Variants in KCNT2 observed in about 807,000 individuals in gnomAD.
KCNT2 encodes the protein potassium channel subfamily T member 2.
A neutral mutation model predicts 153.8 loss-of-function variants in KCNT2; 67 were observed. The ratio of observed to expected loss-of-function variants is 0.44; its 90% CI spans 0.36 to 0.53. The LOEUF is 0.53. KCNT2 is among the 20% of genes least tolerant of loss of function. The pLI is 0.00. For missense variants in KCNT2, 975 were observed against 1,354.8 expected (o/e 0.72, Z 4.40); for synonymous variants, 500 against 458.8 (o/e 1.09, Z -1.15).
intron 8 of KCNT2, among the ~76,000 whole-genome samples, chr1:196,449,826 A>T (rs570556761): frequency 6.6e-6 from 1 of 151,868 alleles, no homozygotes; most frequent in East Asian, 2.0e-4. Context: ...AAAAGAATAA[A>T]AAATGAAGAA....
At chr1:196,476,553 G>C (rs1004680013) in intron 5 of KCNT2, among the ~76,000 whole-genome samples, 2 of 151,898 alleles carry the variant, frequency 1.3e-5, no homozygotes, top group African/African-American at 4.8e-5. Context: ...AGGTAATTTA[G>C]GGATGTGTGG....
chr1:196,558,606 C>T (rs1419735052), intron 1 of KCNT2, among the ~76,000 whole-genome samples: 1 of 151,346 alleles, frequency 6.6e-6, no homozygotes, highest in Non-Finnish European at 1.5e-5. Flanking sequence ...AAACAAAAAG[C>T]AAATAGGCTG....
chr1:196,413,387 T>C (rs1160108072), intron 12 of KCNT2, among the ~76,000 whole-genome samples: 1 of 151,736 alleles, frequency 6.6e-6, no homozygotes, highest in Non-Finnish European at 1.5e-5. Flanking sequence ...ACTTATTAAA[T>C]GTCAAATGTT....
intron 25 of KCNT2, among the ~76,000 whole-genome samples, chr1:196,266,397 A>T (rs866838316): frequency 1.5e-4 from 23 of 152,332 alleles, no homozygotes; most frequent in Non-Finnish European, 2.5e-4. Context: ...CAGGGCAAAT[A>T]AATATACCTT....
At chr1:196,383,999 C>T (rs181768975) in intron 13 of KCNT2, among the ~76,000 whole-genome samples, 54 of 152,244 alleles carry the variant, frequency 3.5e-4, no homozygotes, top group African/African-American at 1.1e-3. Flanking sequence ...ATATTTTATA[C>T]TTGAAATGTG....
At chr1:196,373,030 G>C in intron 14 of KCNT2, 110 bp downstream of exon 14, 1 of 591,432 alleles carries the variant, frequency 1.7e-6, no homozygotes, top group Non-Finnish European at 3.0e-6. Context: ...TTCAAGTATA[G>C]GTACATATCT....
chr1:196,334,884 G>T (rs939870814), intron 16 of KCNT2, among the ~76,000 whole-genome samples: 1 of 152,040 alleles, frequency 6.6e-6, no homozygotes, highest in African/African-American at 2.4e-5. Flanking sequence ...TAGGACATTC[G>T]ATTTTTGACC....
intron 8 of KCNT2, among the ~76,000 whole-genome samples, chr1:196,463,694 T>C (rs570683908): frequency 6.6e-6 from 1 of 151,890 alleles, no homozygotes; most frequent in Middle Eastern, 3.4e-3. Context: ...ATACATTATA[T>C]AGTGGAAATT....
intron 1 of KCNT2, among the ~76,000 whole-genome samples, chr1:196,498,235 T>A (rs1267319778): frequency 6.6e-6 from 1 of 152,198 alleles, no homozygotes; most frequent in Non-Finnish European, 1.5e-5. Context: ...GGAAAAATAA[T>A]TCTGATCCAG....
chr1:196,255,063 G>A (rs631216), intron 26 of KCNT2, among the ~76,000 whole-genome samples: 149,089 of 151,632 alleles, frequency 0.98, 73,347 homozygotes, highest in Middle Eastern at 1. Context: ...TATACTACTA[G>A]AAATACCATT....
At chr1:196,573,820 A>G (rs896578502) in intron 1 of KCNT2, among the ~76,000 whole-genome samples, 2 of 151,834 alleles carry the variant, frequency 1.3e-5, no homozygotes, top group African/African-American at 4.8e-5. Flanking sequence ...CATGGCAGTT[A>G]TTTTATGTTT....
intron 26 of KCNT2, among the ~76,000 whole-genome samples, chr1:196,253,893 T>G (rs1363620636): frequency 1.3e-5 from 2 of 151,618 alleles, no homozygotes; most frequent in African/African-American, 4.8e-5. Flanking sequence ...TCTTTTTTCC[T>G]ACACATGTGC....
At chr1:196,318,913 G>C (rs1663006724) in intron 20 of KCNT2, among the ~76,000 whole-genome samples, 1 of 151,538 alleles carries the variant, frequency 6.6e-6, no homozygotes, top group South Asian at 2.1e-4. Flanking sequence ...TTAGCGTTTT[G>C]ATCTTTTATT....
At position 196,282,360 on chromosome 1, in the gene KCNT2, C is replaced by A; in HGVS notation, c.2698-4G>T. 6.9e-7 allele frequency: 1 copy of A among 1,443,644 alleles called. No individual in the cohort carries two copies. The highest frequency in any genetic ancestry group is 9.7e-7 in the Non-Finnish European group (1 of 1,027,652). The allele number at this position is 1,443,644 out of a possible 1,614,324, so 89.4% of individuals were successfully genotyped here. ...TCATATAATCCTTCACAAATGACTG[C>A]AATATAAACAAACAAACAATATATA... On this transcript the variant is annotated splice_polypyrimidine_tract_variant and splice_region_variant and intron_variant, in intron 23 of 27. Transcript: ENST00000294725.
intron 17 of KCNT2, among the ~76,000 whole-genome samples, chr1:196,332,911 A>C: frequency 6.6e-6 from 1 of 151,444 alleles, no homozygotes; most frequent in East Asian, 1.9e-4. Context: ...CAGCCTTCCA[A>C]GTAGGTAGGA....
intron 20 of KCNT2, among the ~76,000 whole-genome samples, chr1:196,317,648 AAG>A (rs1662858055): frequency 6.6e-6 from 1 of 151,716 alleles, no homozygotes; most frequent in Non-Finnish European, 1.5e-5. Flanking sequence ...AGTCGAGGAT[AAG>A]AGTGACTGGA....
chr1:196,565,256 C>T (rs1659963916), intron 1 of KCNT2, among the ~76,000 whole-genome samples: 1 of 151,600 alleles, frequency 6.6e-6, no homozygotes, highest in African/African-American at 2.4e-5. Flanking sequence ...TCACCTCATG[C>T]AGATTAGAAT....
chr1:196,429,768 A>G lies in KCNT2; in HGVS notation c.639-11T>C. On this transcript the variant is annotated splice_polypyrimidine_tract_variant and intron_variant, in intron 8 of 27. Transcript: ENST00000294725. The stretch of plus-strand genomic sequence containing the variant: ...TGGATCCCACAAATGCTAAAGAAAC[A>G]AATATGCATTACAATTAAATCTTTC... 6.4e-7 allele frequency: 1 copy of G among 1,565,574 alleles called. No homozygotes were observed.
intron 1 of KCNT2, among the ~76,000 whole-genome samples, chr1:196,497,897 A>G (rs956695966): frequency 6.6e-6 from 1 of 152,148 alleles, no homozygotes; most frequent in African/African-American, 2.4e-5. Context: ...TTTTTCTTCT[A>G]CAGTAATAAT....
Sources: allele counts gnomAD v4.1 joint callset (sites outside exome capture counted in the v4.1 genomes callset), GRCh38; gene constraint gnomAD v4.1.1; transcripts MANE v1.5; gene names NCBI Gene and HGNC (gene_info 2026-07-23, HGNC 2026-07-21).